The following CORIN variants were observed in gnomAD, a reference collection of about 807,000 sequenced individuals.
CORIN encodes atrial natriuretic peptide-converting enzyme.
In CORIN, 117 loss-of-function variants were observed where a neutral mutation model predicts 125.3. The observed-to-expected ratio is 0.93, with a 90% confidence interval of 0.80 to 1.09. CORIN has a LOEUF of 1.09. CORIN is among the 50% of genes least tolerant of loss of function. The probability of loss-of-function intolerance (pLI) is 0.00; values close to 1 mark genes in which losing one functional copy is unlikely to be tolerated. For synonymous variants in CORIN, 450 were observed against 466.4 expected, an observed-to-expected ratio of 0.96 and a Z score of 0.45; for missense variants, 1,253 against 1,306.7, an observed-to-expected ratio of 0.96 and a Z score of 0.63.
intron 1 of CORIN, among the ~76,000 whole-genome samples, chr4:47,807,501 G>T (rs528363393): frequency 1.3e-5 from 2 of 152,150 alleles, no homozygotes; most frequent in African/African-American, 4.8e-5. Flanking sequence ...TAAACCAAAT[G>T]TGAATGAATC....
chr4:47,665,077 A>G lies in CORIN; in HGVS notation c.1544T>C (p.Val515Ala). The change falls in exon 11 of 22, where the codon GTA becomes GCA. Residue 515 changes from valine to alanine, a missense_variant. By Grantham distance (64) the Val-to-Ala change is moderately conservative. Coordinates refer to ENST00000273857, the MANE Select transcript of CORIN (RefSeq NM_006587.4). ...YLMFFSCTIL[V>A]PKCDVNTGEH... ...GCCTGTATTCACATCACATTTTGGT[A>G]CCAAAATGGTGCAAGAAAAGAACAT... 6.2e-7 allele frequency: 1 copy of G among 1,613,734 alleles called. No individual in the cohort carries two copies. The highest frequency in any genetic ancestry group is 8.5e-7 in the Non-Finnish European group (1 of 1,179,692).
At chr4:47,822,182 T>C (rs1732545398) in intron 1 of CORIN, among the ~76,000 whole-genome samples, 1 of 152,236 alleles carries the variant, frequency 6.6e-6, no homozygotes, top group Non-Finnish European at 1.5e-5. Flanking sequence ...TTTTCCTTTT[T>C]AAAAAATTTA....
At chr4:47,807,565 A>T (rs1303835777) in intron 1 of CORIN, among the ~76,000 whole-genome samples, 3 of 152,194 alleles carry the variant, frequency 2.0e-5, no homozygotes, top group Non-Finnish European at 2.9e-5. Context: ...ACTGTTACTG[A>T]CCATGCATTT....
At chr4:47,764,115 T>G (rs1729597553) in intron 3 of CORIN, among the ~76,000 whole-genome samples, 1 of 152,212 alleles carries the variant, frequency 6.6e-6, no homozygotes, top group African/African-American at 2.4e-5. Flanking sequence ...GAATATTTAA[T>G]TTAGGTACAT....
chr4:47,608,057 A>G (rs928555619), intron 19 of CORIN, among the ~76,000 whole-genome samples: 2 of 152,176 alleles, frequency 1.3e-5, no homozygotes, highest in African/African-American at 4.8e-5. Context: ...GCGGTGGTTC[A>G]CACCTGTAAT....
intron 3 of CORIN, among the ~76,000 whole-genome samples, chr4:47,776,677 C>A (rs771677490): frequency 6.6e-6 from 1 of 152,072 alleles, no homozygotes; most frequent in Non-Finnish European, 1.5e-5. Context: ...GAGGCCATTC[C>A]AATGAGAAAA....
At chr4:47,775,464 G>T (rs1053223770) in intron 3 of CORIN, among the ~76,000 whole-genome samples, 1 of 152,020 alleles carries the variant, frequency 6.6e-6, no homozygotes, top group Non-Finnish European at 1.5e-5. Context: ...TGAGAACATG[G>T]GGTGTTTGGT....
chr4:47,830,192 A>G lies in CORIN; in HGVS notation c.63+7695T>C, dbSNP rs1340600465. 2.0e-5 allele frequency among the ~76,000 whole-genome samples: 3 copies of G among 152,140 alleles called. No homozygotes were observed. The East Asian group carries it at 5.8e-4, about 29-fold the overall frequency. ...TAAGAGAGTGTCACATTGGAGACCA[A>G]TGTAACTTCCAACAATAAATCCCAC... On this transcript the variant is annotated intron_variant, in intron 1 of 21. Coordinates refer to ENST00000273857, the MANE Select transcript of CORIN (RefSeq NM_006587.4).
At chr4:47,784,747 T>C (rs1203537692) in intron 3 of CORIN, among the ~76,000 whole-genome samples, 1 of 152,152 alleles carries the variant, frequency 6.6e-6, no homozygotes, top group Non-Finnish European at 1.5e-5. Flanking sequence ...GACTGAAAAA[T>C]AAAACCTCAC....
chr4:47,759,975 CTGTTAA>C (rs2109864711), intron 4 of CORIN, among the ~76,000 whole-genome samples: 1 of 152,286 alleles, frequency 6.6e-6, no homozygotes, highest in East Asian at 1.9e-4. Flanking sequence ...TTCCAAATTC[CTGTTAA>C]TGTTAATGTT....
intron 5 of CORIN, among the ~76,000 whole-genome samples, chr4:47,696,753 C>T (rs1726027116): frequency 6.6e-6 from 1 of 152,174 alleles, no homozygotes. Flanking sequence ...TTGTCTCTGA[C>T]AACAGACTGC....
chr4:47,728,828 A>G (rs975888103), intron 5 of CORIN, among the ~76,000 whole-genome samples: 1 of 152,186 alleles, frequency 6.6e-6, no homozygotes, highest in Non-Finnish European at 1.5e-5. Flanking sequence ...CCAAGGATCA[A>G]CCTATGATCT....
intron 4 of CORIN, among the ~76,000 whole-genome samples, chr4:47,762,803 G>A (rs557338136): frequency 7.2e-5 from 11 of 152,184 alleles, no homozygotes; most frequent in African/African-American, 2.4e-4. Context: ...GGTGGGAGGT[G>A]AGTGAGGTCA....
rs61761824 is a variant in CORIN at position 47,701,256 on chromosome 4, A to G, written c.800-8173T>C. 3.0e-3 allele frequency among the ~76,000 whole-genome samples: 456 copies of G among 152,332 alleles called. 1 individual carries two copies. The highest frequency in any genetic ancestry group is 5.0e-3 in the Non-Finnish European group (342 of 68,022). ...TTCAACGTCCCTTGGTGTCATTTAT[A>G]TATCTTTTAATTAGTGAGAAACTGT... On this transcript the variant is annotated intron_variant, in intron 5 of 21. Coordinates refer to ENST00000273857, the MANE Select transcript of CORIN (RefSeq NM_006587.4).
chr4:47,680,422 G>A (rs1055588723), intron 7 of CORIN, 171 bp from the exon 8 acceptor site: 18 of 562,648 alleles, frequency 3.2e-5, no homozygotes, highest in African/African-American at 2.7e-4. Flanking sequence ...CCCCACTCAT[G>A]TGCCCCACTG....
intron 3 of CORIN, among the ~76,000 whole-genome samples, chr4:47,766,047 T>C (rs1729716488): frequency 6.6e-6 from 1 of 152,230 alleles, no homozygotes; most frequent in South Asian, 2.1e-4. Context: ...GGGCTTTCTT[T>C]GAAAAGTAGC....
Position 47,641,999 on chromosome 4 carries a change from C to T in CORIN, c.2119G>A (p.Ala707Thr), listed in dbSNP as rs764059963. Residue 707 changes from alanine to threonine, a missense_variant, in exon 16 of 22, where the codon GCT (alanine) becomes ACT (threonine). Coordinates refer to ENST00000273857, the MANE Select transcript of CORIN (RefSeq NM_006587.4). ...NSSSFLMVHR[A>T]ATEHHVCADG... is the part of the protein sequence containing the mutation. ...GCACACACATGGTGTTCTGTGGCAGCTCTGTGAACCATCAGAAAGGAAGAG... is the reference window on the plus strand; with the variant it reads ...GCACACACATGGTGTTCTGTGGCAGTTCTGTGAACCATCAGAAAGGAAGAG... The T allele has an allele frequency of 6.2e-7, 1 of 1,613,614 alleles. No homozygotes were observed. Among genetic ancestry groups the T allele is most frequent in the Middle Eastern group, 1.7e-4 (1 of 6,054 alleles).
At chr4:47,706,934 C>G (rs1274218499) in intron 5 of CORIN, 4 of 1,599,410 alleles carry the variant, frequency 2.5e-6, no homozygotes, top group Non-Finnish European at 3.4e-6. Context: ...TTGTGGTTCT[C>G]GCCGGGCAGC....
intron 4 of CORIN, among the ~76,000 whole-genome samples, chr4:47,763,059 G>C (rs1729540498): frequency 6.6e-6 from 1 of 152,020 alleles, no homozygotes; most frequent in Non-Finnish European, 1.5e-5. Context: ...CCTGCCCACA[G>C]CTCCATAAAT....
Sources: gnomAD v4.1 joint callset for allele counts (sites outside exome capture counted in the v4.1 genomes callset) on GRCh38, gnomAD v4.1.1 for gene constraint, MANE v1.5 for transcripts, NCBI Gene and HGNC (gene_info 2026-07-23, HGNC 2026-07-21) for gene names.